PHIP: variants seen among roughly 807,000 people sequenced by gnomAD.
The protein encoded by PHIP is PHIP subunit of CUL4-Ring ligase complex.
A neutral mutation model predicts 236.8 loss-of-function variants in PHIP; 54 were observed. The observed-to-expected ratio is 0.23, with a 90% confidence interval of 0.18 to 0.29. The LOEUF (loss-of-function observed/expected upper bound fraction) is 0.29, where lower values mean the gene tolerates loss of function less well. PHIP is among the 10% of genes least tolerant of loss of function. PHIP has a pLI of 1.00. For synonymous variants in PHIP, 756 were observed against 718.9 expected (o/e 1.05, Z -0.83); for missense variants, 1,370 against 2,190.8 (o/e 0.63, Z 7.48).
intron 19 of PHIP, among the ~76,000 whole-genome samples, chr6:78,996,714 T>G (rs1022647266): frequency 1.7e-4 from 26 of 152,160 alleles, no homozygotes; most frequent in African/African-American, 6.3e-4. Flanking sequence ...GACCAAAATT[T>G]TAATTATGTA....
chr6:79,041,982 G>A (rs763708245), intron 7 of PHIP, among the ~76,000 whole-genome samples: 11 of 151,942 alleles, frequency 7.2e-5, no homozygotes, highest in Non-Finnish European at 1.5e-4. Context: ...TCATAACTAC[G>A]TAAAATTCAC....
In PHIP at chr6:78,945,495, G is replaced by A. The variant is rs766174728; in HGVS notation, c.4633C>T (p.Leu1545=). 1.9e-6 allele frequency: 3 copies of A among 1,577,594 alleles called. No individual in the cohort carries two copies. The highest frequency in any genetic ancestry group is 1.1e-5 in the South Asian group (1 of 89,086). The change falls in exon 39 of 40, where the codon CTA becomes TTA. Residue 1545 remains leucine (L), a splice_region_variant and synonymous_variant. Transcript: ENST00000275034. Reference sequence around the variant, plus strand: ...TTGGAATGTTTCACAGAATTCTCTAGTACTAAAACATACAAACAAAATTTA... The same window carrying A: ...TTGGAATGTTTCACAGAATTCTCTAATACTAAAACATACAAACAAAATTTA... ...NASAIPGKTI[L]ENSVKHSKAL...
At chr6:78,973,952 C>T (rs1420756857) in intron 24 of PHIP, among the ~76,000 whole-genome samples, 1 of 152,010 alleles carries the variant, frequency 6.6e-6, no homozygotes. Flanking sequence ...CCACTGTCAA[C>T]ATTAGACAGA....
At chr6:79,048,400 G>A (rs1772608764) in intron 6 of PHIP, among the ~76,000 whole-genome samples, 1 of 152,014 alleles carries the variant, frequency 6.6e-6, no homozygotes, top group South Asian at 2.1e-4. Context: ...AAGAGTATCT[G>A]TAATAACCTT....
At chr6:79,019,996 C>T (rs773583660) in intron 9 of PHIP, among the ~76,000 whole-genome samples, 3 of 152,082 alleles carry the variant, frequency 2.0e-5, no homozygotes, top group Non-Finnish European at 4.4e-5. Flanking sequence ...AGTTCTTCTA[C>T]ACTATTTGAT....
intron 7 of PHIP, among the ~76,000 whole-genome samples, chr6:79,032,103 T>TA (rs1255070265): frequency 6.6e-6 from 1 of 152,192 alleles, no homozygotes; most frequent in Non-Finnish European, 1.5e-5. Flanking sequence ...ATTATGTCTT[T>TA]AAAAAATGGG....
At chr6:78,965,082 GT>G (rs1340670184) in intron 29 of PHIP, among the ~76,000 whole-genome samples, 1 of 152,070 alleles carries the variant, frequency 6.6e-6, no homozygotes. Flanking sequence ...AATCCTGAAT[GT>G]GTCAGGCCAT....
In PHIP at chr6:78,965,991, G is replaced by A; in HGVS notation, c.3271C>T (p.Leu1091Phe). 6.2e-7 allele frequency: 1 copy of A among 1,613,536 alleles called. No individual in the cohort carries two copies. Among genetic ancestry groups the A allele is most frequent in the East Asian group, 2.2e-5 (1 of 44,848 alleles). The change falls in exon 28 of 40, where the codon CTT (leucine) becomes TTT (phenylalanine). Residue 1091 changes from leucine to phenylalanine, a missense_variant. By Grantham distance (22) the Leu-to-Phe change is conservative (BLOSUM62 0). Coordinates refer to ENST00000275034, the MANE Select transcript of PHIP (RefSeq NM_017934.7). ...AGACTATCAGGGTACTCAAGTTGAA[G>A]AGGTTCCTGGCTTTCGATTGTTCCA... is the stretch of plus-strand genomic sequence containing the variant. ...WFGTIESQEP[L>F]QLEYPDSLFQ...
At chr6:79,058,488 A>G (rs1441993424) in intron 6 of PHIP, among the ~76,000 whole-genome samples, 4 of 152,078 alleles carry the variant, frequency 2.6e-5, no homozygotes, top group Admixed American at 2.6e-4. Flanking sequence ...TGAGTAGCCA[A>G]GTGTTATTAT....
chr6:79,014,954 T>C, intron 15 of PHIP, 128 bp downstream of exon 15: 1 of 650,426 alleles, frequency 1.5e-6, no homozygotes, highest in Non-Finnish European at 2.6e-6. Context: ...TCATTCTTTA[T>C]TGATGGGAAT....
chr6:78,954,686 A>C, intron 35 of PHIP, 128 bp downstream of exon 35: 1 of 610,768 alleles, frequency 1.6e-6, no homozygotes, highest in Non-Finnish European at 2.7e-6. Flanking sequence ...CCAAATGGAT[A>C]ATGAGAACAT....
At chr6:78,961,983 T>C (rs556436718) in intron 30 of PHIP, among the ~76,000 whole-genome samples, 173 bp from the exon 31 acceptor site, 5 of 152,280 alleles carry the variant, frequency 3.3e-5, no homozygotes, top group Middle Eastern at 3.4e-3. Context: ...CTTTTTATTA[T>C]GTCTACATTT....
chr6:79,006,379 AC>A (rs984457784), intron 15 of PHIP, among the ~76,000 whole-genome samples: 1 of 151,902 alleles, frequency 6.6e-6, no homozygotes, highest in African/African-American at 2.4e-5. Flanking sequence ...AAATAGCCTA[AC>A]TGGTTTTAAA....
At chr6:78,965,800 A>C in intron 28 of PHIP, 36 bp from the exon 29 acceptor site, 3 of 1,272,182 alleles carry the variant, frequency 2.4e-6, no homozygotes, top group African/African-American at 1.5e-5. Context: ...TAAAAAATCT[A>C]AATTATTGTA....
At chr6:79,073,419 A>T (rs1268624685) in intron 4 of PHIP, among the ~76,000 whole-genome samples, 1 of 152,198 alleles carries the variant, frequency 6.6e-6, no homozygotes, top group Admixed American at 6.5e-5. Flanking sequence ...CTCTACTAAA[A>T]AAGGAAATAG....
At position 79,045,039 on chromosome 6, in the gene PHIP, A is replaced by AT. The variant is rs141832394; in HGVS notation, c.440-2037dup. 3.3e-5 allele frequency among the ~76,000 whole-genome samples: 5 copies of AT among 152,322 alleles called. No homozygotes were observed. In the East Asian group the frequency reaches 7.7e-4, roughly 23 times the overall value. ...TTTCCAGAATCACATTAGGTGAAAC[A>AT]TATTTATAGCTAAAACTATATTCCA... On this transcript the variant is annotated intron_variant, in intron 6 of 39. Coordinates refer to ENST00000275034, the MANE Select transcript of PHIP (RefSeq NM_017934.7).
chr6:79,064,712 T>C (rs925218719), intron 4 of PHIP, among the ~76,000 whole-genome samples: 1 of 152,202 alleles, frequency 6.6e-6, no homozygotes, highest in East Asian at 1.9e-4. Flanking sequence ...CTCCTCTATA[T>C]AGCCATTAAA....
chr6:78,941,306 A>C lies in PHIP; in HGVS notation c.4853T>G (p.Val1618Gly), dbSNP rs1325784675. 1 of 1,613,396 alleles carries C rather than the reference A, an allele frequency of 6.2e-7. No individual in the cohort carries two copies. Among genetic ancestry groups the C allele is most frequent in the Admixed American group, 1.7e-5 (1 of 59,942 alleles). The part of the protein sequence containing the change: ...EQGDCKNNAL[V>G]PGTIQVNGHG... The stretch of plus-strand genomic sequence containing the variant: ...GCCATTTACTTGAATGGTTCCTGGT[A>C]CAAGAGCGTTGTTCTTACAATCTCC... Residue 1618 changes from valine (V) to glycine (G), a missense_variant, in exon 40 of 40, where the codon GTA (valine) becomes GGA (glycine). This residue lies in a region of PHIP where 309 missense variants were observed against 328.3 expected (regional missense o/e 0.94). Transcript: ENST00000275034.
chr6:79,016,471 G>T, intron 13 of PHIP, 73 bp downstream of exon 13: 1 of 796,486 alleles, frequency 1.3e-6, no homozygotes, highest in South Asian at 2.1e-5. Flanking sequence ...TATAGGCTGA[G>T]AGTCACCAAC....
Sources: allele counts gnomAD v4.1 joint callset (sites outside exome capture counted in the v4.1 genomes callset), GRCh38; gene constraint gnomAD v4.1.1; regional missense constraint gnomAD v4.1.1; transcripts MANE v1.5; gene names NCBI Gene and HGNC (gene_info 2026-07-23, HGNC 2026-07-21).